The following ITPR1 variants were observed in gnomAD, a reference collection of about 807,000 sequenced individuals.
ITPR1 encodes the protein inositol 1,4,5-trisphosphate-gated calcium channel ITPR1.
ITPR1 carries 96 observed loss-of-function variants against 318.4 expected under a neutral mutation model. That is an observed-to-expected ratio of 0.30 (90% CI 0.26 to 0.36). ITPR1 has a LOEUF of 0.36. Among genes scored for constraint, ITPR1 ranks in the 10% least tolerant of loss-of-function variants. ITPR1 has a pLI of 1.00. For synonymous variants in ITPR1, 1,312 were observed against 1,289.9 expected (o/e 1.02, Z -0.37); for missense variants, 2,440 against 3,460.2 (o/e 0.71, Z 7.40).
intron 40 of ITPR1, among the ~76,000 whole-genome samples, chr3:4,725,247 T>C (rs1461533541): frequency 6.6e-6 from 1 of 152,154 alleles, no homozygotes; most frequent in Non-Finnish European, 1.5e-5. Context: ...TCACTTGCTT[T>C]GTTTTAAAGC....
In ITPR1 at chr3:4,706,164, C is replaced by T. The variant is rs779986666; in HGVS notation, c.4658-3C>T. 17 of 1,613,888 alleles carry T rather than the reference C, an allele frequency of 1.1e-5. No homozygotes were observed. The Admixed American group carries it at 2.7e-4, about 25-fold the overall frequency. On this transcript the variant is annotated splice_region_variant and splice_polypyrimidine_tract_variant and intron_variant, in intron 36 of 61. Coordinates refer to ENST00000649015, the MANE Select transcript of ITPR1 (RefSeq NM_001378452.1). Reference sequence around the variant, plus strand: ...GCTCACGACTCATCTTTCTCCTGTGCAGCCAAGAGCCGGGCCATTGCCATT... The same window carrying T: ...GCTCACGACTCATCTTTCTCCTGTGTAGCCAAGAGCCGGGCCATTGCCATT...
intron 4 of ITPR1, among the ~76,000 whole-genome samples, chr3:4,526,846 C>G (rs562160561): frequency 1.4e-4 from 22 of 152,186 alleles, no homozygotes; most frequent in Non-Finnish European, 2.5e-4. Context: ...AAGAGACATT[C>G]TCAAAGAAGT....
At chr3:4,739,639 G>T (rs973576777) in intron 44 of ITPR1, among the ~76,000 whole-genome samples, 3 of 152,170 alleles carry the variant, frequency 2.0e-5, no homozygotes, top group Non-Finnish European at 4.4e-5. Flanking sequence ...TGTACCTCTT[G>T]TCCGTCCCAC....
At position 4,693,551 on chromosome 3, in the gene ITPR1, T is replaced by G; in HGVS notation, c.4091T>G (p.Leu1364Arg). Reference sequence around the variant, plus strand: ...AACGACAGAGCCTCTTTCCAGACTCTGATCCAGATGATGCGGTCAGAACGG... The same window carrying G: ...AACGACAGAGCCTCTTTCCAGACTCGGATCCAGATGATGCGGTCAGAACGG... ...FYNDRASFQTLIQMMRSERDR... is the reference protein window; with the variant it reads ...FYNDRASFQTRIQMMRSERDR... The change falls in exon 33 of 62, where the codon CTG becomes CGG. Residue 1364 changes from leucine to arginine, a missense_variant. Coordinates refer to ENST00000649015, the MANE Select transcript of ITPR1 (RefSeq NM_001378452.1). 1 of 1,614,036 alleles carries G rather than the reference T, an allele frequency of 6.2e-7. No individual in the cohort carries two copies. The highest frequency in any genetic ancestry group is 8.5e-7 in the Non-Finnish European group (1 of 1,179,888).
chr3:4,676,179 CAAAA>C (rs5846331), intron 23 of ITPR1, among the ~76,000 whole-genome samples: 1 of 134,838 alleles, frequency 7.4e-6, no homozygotes, highest in Non-Finnish European at 1.6e-5. Flanking sequence ...CTATCTCTAC[CAAAA>C]AAAAAAAAAA....
intron 52 of ITPR1, among the ~76,000 whole-genome samples, chr3:4,794,635 C>G (rs988439240): frequency 2.6e-5 from 4 of 152,204 alleles, no homozygotes; most frequent in African/African-American, 9.7e-5. Flanking sequence ...TCCCCCACCC[C>G]TCCCCAGTGC....
chr3:4,841,338 G>A (rs2051327560), intron 61 of ITPR1, among the ~76,000 whole-genome samples: 1 of 152,186 alleles, frequency 6.6e-6, no homozygotes, highest in South Asian at 2.1e-4. Context: ...CTTACAAGCA[G>A]GTGACTTCTG....
intron 59 of ITPR1, among the ~76,000 whole-genome samples, chr3:4,816,647 C>T (rs1482821116): frequency 1.3e-5 from 2 of 152,282 alleles, no homozygotes; most frequent in African/African-American, 4.8e-5. Flanking sequence ...TTTTAGCTTC[C>T]CAAAGTGTTA....
intron 39 of ITPR1, among the ~76,000 whole-genome samples, chr3:4,713,278 T>G (rs771191692): frequency 6.6e-6 from 1 of 152,232 alleles, no homozygotes; most frequent in African/African-American, 2.4e-5. Flanking sequence ...AGTGAATATT[T>G]TTGCATCCAT....
chr3:4,725,691 A>G (rs2042465524), intron 41 of ITPR1, 110 bp downstream of exon 41: 2 of 925,536 alleles, frequency 2.2e-6, no homozygotes, highest in Non-Finnish European at 3.4e-6. Context: ...TCCCGGTGGT[A>G]GATGTAGGAG....
chr3:4,530,933 C>T (rs943912397), intron 4 of ITPR1, among the ~76,000 whole-genome samples: 4 of 152,048 alleles, frequency 2.6e-5, no homozygotes, highest in Non-Finnish European at 5.9e-5. Context: ...TTTTGAGATT[C>T]CTTGGCTGCA....
chr3:4,518,751 C>T (rs954897400), intron 3 of ITPR1, among the ~76,000 whole-genome samples: 1 of 152,156 alleles, frequency 6.6e-6, no homozygotes, highest in African/African-American at 2.4e-5. Flanking sequence ...TGGCATGCTT[C>T]TGAATTGCCT....
At chr3:4,777,713 C>G (rs1439612227) in intron 48 of ITPR1, among the ~76,000 whole-genome samples, 1 of 151,638 alleles carries the variant, frequency 6.6e-6, no homozygotes, top group Non-Finnish European at 1.5e-5. Context: ...GCCATTCCCT[C>G]TCTGGTTTCT....
chr3:4,729,207 A>AT (rs2042733327), intron 42 of ITPR1, among the ~76,000 whole-genome samples: 1 of 152,076 alleles, frequency 6.6e-6, no homozygotes, highest in Non-Finnish European at 1.5e-5. Flanking sequence ...TAGCTGTGTG[A>AT]TTTTGAGCAA....
At chr3:4,698,817 C>T (rs1371399316) in intron 34 of ITPR1, among the ~76,000 whole-genome samples, 3 of 152,132 alleles carry the variant, frequency 2.0e-5, no homozygotes, top group African/African-American at 7.2e-5. Context: ...GCAATTTTAT[C>T]TCTTAAATTA....
At chr3:4,613,327 G>C (rs906277414) in intron 4 of ITPR1, among the ~76,000 whole-genome samples, 1 of 152,218 alleles carries the variant, frequency 6.6e-6, no homozygotes. Flanking sequence ...ATTTGTCTCA[G>C]GTGACCCTCA....
chr3:4,736,163 A>G (rs4685807), intron 44 of ITPR1, among the ~76,000 whole-genome samples: 24,400 of 150,100 alleles, frequency 0.16, 2,084 homozygotes, highest in African/African-American at 0.2. Context: ...TTGGACGTGT[A>G]TCTATGTACA....
chr3:4,692,816 G>A (rs930908790), intron 32 of ITPR1, among the ~76,000 whole-genome samples: 7 of 152,136 alleles, frequency 4.6e-5, no homozygotes, highest in Admixed American at 3.9e-4. Flanking sequence ...GGGATACATT[G>A]TAAAGCATAA....
At chr3:4,553,986 GC>G (rs1013869454) in intron 4 of ITPR1, among the ~76,000 whole-genome samples, 3 of 151,164 alleles carry the variant, frequency 2.0e-5, no homozygotes, top group African/African-American at 7.3e-5. Context: ...CAAGCAGTCC[GC>G]CCTCCTTGGC....
Sources: gnomAD v4.1 joint callset for allele counts (sites outside exome capture counted in the v4.1 genomes callset) on GRCh38, gnomAD v4.1.1 for gene constraint, MANE v1.5 for transcripts, NCBI Gene and HGNC (gene_info 2026-07-23, HGNC 2026-07-21) for gene names.